Variants in LMF1 observed in about 807,000 individuals in gnomAD.
LMF1 encodes transmembrane protein 112.
In LMF1, 68 loss-of-function variants were observed where a neutral mutation model predicts 60.6. That is an observed-to-expected ratio of 1.12 (90% CI 0.92 to 1.37). LMF1 has a LOEUF of 1.37. Ranked by LOEUF, LMF1 falls within the 40% of genes most tolerant of loss-of-function variation. The probability of loss-of-function intolerance (pLI) is 0.00; values close to 1 mark genes in which losing one functional copy is unlikely to be tolerated. For missense variants in LMF1, 948 were observed against 767.2 expected, an observed-to-expected ratio of 1.24 and a Z score of -2.78; for synonymous variants, 418 against 324.7, an observed-to-expected ratio of 1.29 and a Z score of -3.09.
chr16:861,858 G>A (rs1371334888), intron 10 of LMF1, among the ~76,000 whole-genome samples: 3 of 152,186 alleles, frequency 2.0e-5, no homozygotes, highest in Non-Finnish European at 4.4e-5. Context: ...TTCTTGTTCC[G>A]GATCTGAATG....
rs1194156308 is a variant in LMF1 at position 854,601 on chromosome 16, A to AG, written c.1634dup (p.Pro546SerfsTer29). 1.9e-6 allele frequency: 3 copies of AG among 1,606,770 alleles called. No homozygotes were observed. Among genetic ancestry groups the AG allele is most frequent in the Non-Finnish European group, 2.5e-6 (3 of 1,178,220 alleles). On this transcript the variant is annotated frameshift_variant, in exon 11 of 11. Transcript: ENST00000262301. LOFTEE classifies it low-confidence loss of function (END_TRUNC). ...GCCTCAGCTCCTCCAGGCTGAGCGG[A>AG]GGGAAGTAGGCTCCGATCCTCTTCC...
chr16:949,553 G>A lies in LMF1; in HGVS notation c.503+4804C>T, dbSNP rs1351421656. Among the ~76,000 whole-genome samples the A allele has an allele frequency of 5.6e-5, 8 of 143,392 alleles. 1 individual carries two copies. The highest frequency in any genetic ancestry group is 1.2e-4 in the Non-Finnish European group (8 of 66,428). 94.1% of individuals were successfully genotyped at this position (143,392 alleles called of 152,430 possible). Reference sequence around the variant, plus strand: ...CGACAGAGTCAGAGCCAACGACAGAGTCAGAGACAATGACAGAGTCAGAGA... The same window carrying A: ...CGACAGAGTCAGAGCCAACGACAGAATCAGAGACAATGACAGAGTCAGAGA... On this transcript the variant is annotated intron_variant, in intron 2 of 10. Coordinates refer to ENST00000262301, the MANE Select transcript of LMF1 (RefSeq NM_022773.4).
At chr16:979,504 G>A (rs1336699620) in intron 1 of LMF1, 5 of 382,428 alleles carry the variant, frequency 1.3e-5, no homozygotes, top group South Asian at 3.8e-5. Context: ...CTGAGGCAGG[G>A]TCTCAGTTGC....
At chr16:894,689 C>G (rs946221663) in intron 4 of LMF1, among the ~76,000 whole-genome samples, 8 of 152,210 alleles carry the variant, frequency 5.3e-5, no homozygotes, top group Non-Finnish European at 1.0e-4. Context: ...TCTGGGGCAG[C>G]CGCACTGGGC....
At chr16:948,666 A>C (rs1180944546) in intron 2 of LMF1, among the ~76,000 whole-genome samples, 1 of 151,430 alleles carries the variant, frequency 6.6e-6, no homozygotes, top group East Asian at 1.9e-4. Context: ...CCAACGACAG[A>C]ATCAGAGACA....
At chr16:921,325 T>C (rs574577734) in intron 3 of LMF1, among the ~76,000 whole-genome samples, 76 of 152,364 alleles carry the variant, frequency 5.0e-4, no homozygotes, top group Middle Eastern at 6.8e-3. Context: ...ACAGTCGCCA[T>C]AGCCCTTCTT....
chr16:853,659 T>C lies in LMF1; in HGVS notation c.*873A>G. 1 of 453,032 alleles carries C rather than the reference T, an allele frequency of 2.2e-6. No individual in the cohort carries two copies. The highest frequency in any genetic ancestry group is 2.0e-5 in the African/African-American group (1 of 50,102). 28.1% of individuals were successfully genotyped at this position (453,032 alleles called of 1,614,324 possible). On this transcript the variant is annotated 3_prime_UTR_variant, in exon 11 of 11. Coordinates refer to ENST00000262301, the MANE Select transcript of LMF1 (RefSeq NM_022773.4). The stretch of plus-strand genomic sequence containing the variant: ...TTTTCGAGTAAGCTGGTAAGTGGTA[T>C]AATAGGAATAGTAGAAGAATATGCC...
At chr16:869,116 C>T in intron 9 of LMF1, 60 bp from the exon 10 acceptor site, 1 of 1,143,980 alleles carries the variant, frequency 8.7e-7, no homozygotes, top group South Asian at 1.2e-5. Flanking sequence ...CACAGCCCCT[C>T]CGGACGCTCG....
chr16:921,162 A>G (rs1223080292), intron 3 of LMF1: 1 of 152,320 alleles, frequency 6.6e-6, no homozygotes, highest in African/African-American at 2.4e-5. Flanking sequence ...GAGGCAACTC[A>G]AGGAGGTAAG....
chr16:977,755 G>A (rs2073192957), intron 1 of LMF1, among the ~76,000 whole-genome samples: 1 of 151,934 alleles, frequency 6.6e-6, no homozygotes, highest in African/African-American at 2.4e-5. Flanking sequence ...AGGGACAGGG[G>A]CCTCTCCAGG....
At chr16:948,313 A>G (rs1262155386) in intron 2 of LMF1, among the ~76,000 whole-genome samples, 1 of 149,348 alleles carries the variant, frequency 6.7e-6, no homozygotes, top group Non-Finnish European at 1.5e-5. Context: ...GAGTCAGCCA[A>G]CGACAGAGTC....
In LMF1 at chr16:890,228, G is replaced by A. The variant is rs532080496; in HGVS notation, c.729+2779C>T. ...ACGGCGGTCCACCTGCTGCAGGCACGGCGCCGCACTGCTCTGAACGCTCGC... is the reference window on the plus strand; with the variant it reads ...ACGGCGGTCCACCTGCTGCAGGCACAGCGCCGCACTGCTCTGAACGCTCGC... On this transcript the variant is annotated intron_variant, in intron 5 of 10. Transcript: ENST00000262301. Among the ~76,000 whole-genome samples the A allele has an allele frequency of 2.3e-3, 347 of 152,322 alleles. 1 individual carries two copies. Among genetic ancestry groups the A allele is most frequent in the African/African-American group, 7.5e-3 (311 of 41,574 alleles).
At chr16:862,956 T>A (rs1473387813) in intron 10 of LMF1, among the ~76,000 whole-genome samples, 3 of 152,238 alleles carry the variant, frequency 2.0e-5, no homozygotes, top group Admixed American at 2.0e-4. Context: ...AGTGAAACCA[T>A]CTGAGCCTGG....
intron 10 of LMF1, among the ~76,000 whole-genome samples, chr16:862,336 G>A (rs1359433288): frequency 6.6e-6 from 1 of 151,934 alleles, no homozygotes; most frequent in Non-Finnish European, 1.5e-5. Context: ...CAAAGATGGG[G>A]TTTCACCATG....
chr16:934,587 CTG>C, intron 2 of LMF1: 1 of 354,962 alleles, frequency 2.8e-6, no homozygotes. Context: ...ATGTCATACT[CTG>C]GAATCTGAAA....
At position 897,251 on chromosome 16, in the gene LMF1, C is replaced by A. The variant is rs757680937; in HGVS notation, c.664-4179G>T. Among the ~76,000 whole-genome samples the A allele has an allele frequency of 2.6e-5, 4 of 152,336 alleles. No homozygotes were observed. The highest frequency in any genetic ancestry group is 5.9e-5 in the Non-Finnish European group (4 of 68,034). ...TGACGGTCGTATGCGGAGAAGGAGA[C>A]ACTCTGTGGAGACCCCGCTTCTCTC... On this transcript the variant is annotated intron_variant, in intron 4 of 10. Coordinates refer to ENST00000262301, the MANE Select transcript of LMF1 (RefSeq NM_022773.4). This position sits in a 1 kb window ranked among gnomAD's most constrained non-coding sequence, Gnocchi z 4.3.
chr16:951,998 C>T (rs1014606168), intron 2 of LMF1, among the ~76,000 whole-genome samples: 3 of 152,202 alleles, frequency 2.0e-5, no homozygotes, highest in Admixed American at 6.5e-5. Flanking sequence ...CCCGTGAGAG[C>T]GCCTGACCCC....
At chr16:908,154 AC>A (rs2151751226) in intron 4 of LMF1, among the ~76,000 whole-genome samples, 1 of 152,348 alleles carries the variant, frequency 6.6e-6, no homozygotes, top group African/African-American at 2.4e-5. Flanking sequence ...AGAGGGTGGA[AC>A]CTAAAACTAA....
intron 6 of LMF1, chr16:871,583 C>G (rs1050730368): frequency 1.8e-6 from 1 of 560,140 alleles, no homozygotes; most frequent in African/African-American, 1.9e-5. Flanking sequence ...CTGCACATTT[C>G]TGTGCAGGTT....
Sources: gnomAD v4.1 joint callset for allele counts (sites outside exome capture counted in the v4.1 genomes callset) on GRCh38, gnomAD v4.1.1 for gene constraint, Gnocchi (gnomAD v3.1) non-coding constraint, MANE v1.5 for transcripts, NCBI Gene and HGNC (gene_info 2026-07-23, HGNC 2026-07-21) for gene names.